Variants in LRRTM4 observed in about 807,000 individuals in gnomAD.
The protein encoded by LRRTM4 is leucine rich repeat transmembrane neuronal 4, also known as leucine-rich repeat transmembrane neuronal protein 4.
A neutral mutation model predicts 47.6 loss-of-function variants in LRRTM4; 25 were observed. The ratio of observed to expected loss-of-function variants is 0.53; its 90% CI spans 0.38 to 0.73. The LOEUF (loss-of-function observed/expected upper bound fraction) is 0.73. Ranked by LOEUF, LRRTM4 falls within the 30% of genes least tolerant of loss-of-function variation. LRRTM4 has a pLI of 0.00. For missense variants in LRRTM4, 638 were observed against 713.4 expected (o/e 0.89, Z 1.20); for synonymous variants, 311 against 269.5 (o/e 1.15, Z -1.51).
In LRRTM4 at chr2:76,807,457, T is replaced by TATATAC. The variant is rs1553412656; in HGVS notation, c.1552-58542_1552-58541insGTATAT. ...ATATACGTATATACATATATATATATACATATATATATACATATATATATA... is the reference window on the plus strand; with the variant it reads ...ATATACGTATATACATATATATATATATATACACATATATATATACATATATATATA... On this transcript the variant is annotated intron_variant, in intron 3 of 3. Transcript: ENST00000409884. 6.2e-3 allele frequency among the ~76,000 whole-genome samples: 584 copies of TATATAC among 94,144 alleles called. 17 individuals carry two copies. Among genetic ancestry groups the TATATAC allele is most frequent in the African/African-American group, 0.014 (323 of 22,554 alleles). The allele number at this position is 94,144 out of a possible 152,430, so 61.8% of individuals were successfully genotyped here.
At chr2:77,414,727 C>T (rs370099) in intron 3 of LRRTM4, among the ~76,000 whole-genome samples, 8,291 of 152,248 alleles carry the variant, frequency 0.054, 318 homozygotes, top group Non-Finnish European at 0.081. Flanking sequence ...GTGTACTGCT[C>T]ATGCAAGGAA....
intron 3 of LRRTM4, among the ~76,000 whole-genome samples, chr2:77,457,361 T>C (rs1160614685): frequency 1.3e-5 from 2 of 151,932 alleles, no homozygotes; most frequent in African/African-American, 2.4e-5. Flanking sequence ...TCCAAATAGG[T>C]GTATCTAAAT....
chr2:76,877,166 C>A (rs530827253), intron 3 of LRRTM4, among the ~76,000 whole-genome samples: 1 of 152,062 alleles, frequency 6.6e-6, no homozygotes, highest in Admixed American at 6.5e-5. Context: ...TCTGTCTGCT[C>A]TGTTTCTTCA....
intron 3 of LRRTM4, among the ~76,000 whole-genome samples, chr2:77,151,330 C>T (rs955029818): frequency 1.3e-5 from 2 of 152,116 alleles, no homozygotes; most frequent in Non-Finnish European, 1.5e-5. Flanking sequence ...CATTCCCCCA[C>T]AATCTCAATC....
chr2:77,396,943 T>C (rs777075645), intron 3 of LRRTM4, among the ~76,000 whole-genome samples: 1 of 151,956 alleles, frequency 6.6e-6, no homozygotes, highest in Non-Finnish European at 1.5e-5. Flanking sequence ...AAATCACATG[T>C]AATAGCAACT....
chr2:77,058,992 G>A (rs1679698181), intron 3 of LRRTM4, among the ~76,000 whole-genome samples: 1 of 152,048 alleles, frequency 6.6e-6, no homozygotes, highest in South Asian at 2.1e-4. Flanking sequence ...ATTTCTAAGT[G>A]ACTTTTACAA....
intron 3 of LRRTM4, among the ~76,000 whole-genome samples, chr2:76,871,411 A>T (rs1441378375): frequency 6.6e-6 from 1 of 152,154 alleles, no homozygotes. Context: ...GCCTGCATTC[A>T]ACTAGTAACT....
chr2:76,986,832 T>C (rs566367447), intron 3 of LRRTM4, among the ~76,000 whole-genome samples: 6 of 152,084 alleles, frequency 3.9e-5, no homozygotes, highest in African/African-American at 1.4e-4. Flanking sequence ...TCTTTTGCTT[T>C]AGCTAATTTG....
intron 3 of LRRTM4, among the ~76,000 whole-genome samples, chr2:77,003,681 T>G (rs534214190): frequency 6.6e-6 from 1 of 152,252 alleles, no homozygotes; most frequent in African/African-American, 2.4e-5. Context: ...TTATTAGTAG[T>G]GTGAGAACAG....
At chr2:76,949,980 A>C (rs1463205854) in intron 3 of LRRTM4, among the ~76,000 whole-genome samples, 1 of 151,942 alleles carries the variant, frequency 6.6e-6, no homozygotes, top group Admixed American at 6.6e-5. Flanking sequence ...CAAAATATAT[A>C]AAACTGGTGA....
At chr2:77,192,708 T>C (rs1673704763) in intron 3 of LRRTM4, among the ~76,000 whole-genome samples, 1 of 152,174 alleles carries the variant, frequency 6.6e-6, no homozygotes. Context: ...TTAAATCAAA[T>C]TGTTTTTACT....
intron 3 of LRRTM4, among the ~76,000 whole-genome samples, chr2:76,947,491 A>G (rs1442343281): frequency 1.3e-5 from 2 of 151,886 alleles, no homozygotes; most frequent in East Asian, 1.9e-4. Flanking sequence ...TTTTATTAAT[A>G]TCATATAAAA....
intron 3 of LRRTM4, among the ~76,000 whole-genome samples, chr2:76,820,882 C>T (rs1461588583): frequency 5.3e-5 from 8 of 151,666 alleles, no homozygotes; most frequent in Non-Finnish European, 7.4e-5. Context: ...TCTGAATTCT[C>T]CATTTCATTT....
chr2:77,293,009 A>G (rs558896081), intron 3 of LRRTM4, among the ~76,000 whole-genome samples: 3 of 152,044 alleles, frequency 2.0e-5, no homozygotes, highest in African/African-American at 7.2e-5. Context: ...TATATACCAT[A>G]TTGTGTCAAG....
intron 3 of LRRTM4, among the ~76,000 whole-genome samples, chr2:77,033,547 G>A (rs946874121): frequency 1.4e-4 from 22 of 151,830 alleles, no homozygotes; most frequent in Non-Finnish European, 3.1e-4. Context: ...TGAAGGAGGA[G>A]ATATTTCTAA....
intron 3 of LRRTM4, among the ~76,000 whole-genome samples, chr2:76,913,868 G>C (rs1674154617): frequency 6.6e-6 from 1 of 151,934 alleles, no homozygotes; most frequent in Admixed American, 6.6e-5. Flanking sequence ...ATATTTATTA[G>C]AAGTATTAGA....
At chr2:77,016,696 A>C (rs1369744818) in intron 3 of LRRTM4, among the ~76,000 whole-genome samples, 1 of 152,138 alleles carries the variant, frequency 6.6e-6, no homozygotes, top group Non-Finnish European at 1.5e-5. Flanking sequence ...GCCCCCACTC[A>C]GAAATGATAA....
At chr2:76,763,843 G>A (rs930259013) in intron 3 of LRRTM4, among the ~76,000 whole-genome samples, 1 of 152,126 alleles carries the variant, frequency 6.6e-6, no homozygotes, top group South Asian at 2.1e-4. Context: ...TCTGTACATT[G>A]TAGCATGTTT....
chr2:77,059,113 A>G (rs1679702211), intron 3 of LRRTM4, among the ~76,000 whole-genome samples: 2 of 152,110 alleles, frequency 1.3e-5, no homozygotes, highest in Admixed American at 6.6e-5. Context: ...AAACTTGGCA[A>G]TGGTTTTCAA....
Sources: allele counts gnomAD v4.1 joint callset (sites outside exome capture counted in the v4.1 genomes callset), GRCh38; gene constraint gnomAD v4.1.1; transcripts MANE v1.5; gene names NCBI Gene and HGNC (gene_info 2026-07-23, HGNC 2026-07-21).